IGDCC3: variants seen among roughly 807,000 people sequenced by gnomAD.
IGDCC3 encodes the protein putative neuronal cell adhesion molecule.
A neutral mutation model predicts 72.0 loss-of-function variants in IGDCC3; 47 were observed. The observed-to-expected ratio is 0.65, with a 90% CI of 0.52 to 0.83. The LOEUF (loss-of-function observed/expected upper bound fraction) is 0.83. IGDCC3 is among the 40% of genes least tolerant of loss of function. The probability of loss-of-function intolerance (pLI) is 0.00; values close to 1 mark genes in which losing one functional copy is unlikely to be tolerated. For synonymous variants in IGDCC3, 477 were observed against 472.8 expected, an observed-to-expected ratio of 1.01 and a Z score of -0.11; for missense variants, 1,038 against 1,091.3, an observed-to-expected ratio of 0.95 and a Z score of 0.69.
intron 2 of IGDCC3, among the ~76,000 whole-genome samples, chr15:65,368,711 G>C (rs1451761542): frequency 2.6e-5 from 4 of 152,174 alleles, no homozygotes; most frequent in African/African-American, 9.7e-5. Flanking sequence ...TGGTGAGGAA[G>C]AGAGAATCTC....
rs779378961 is a variant in IGDCC3 at position 65,329,856 on chromosome 15, G to A, written c.1867C>T (p.Pro623Ser). The A allele has an allele frequency of 1.9e-6, 3 of 1,613,980 alleles. No individual in the cohort carries two copies. In the South Asian group the frequency reaches 3.3e-5, roughly 18 times the overall value. ...TCCTCCTTCCGGCAGTCACATGGTG[G>A]GCTCAAGGCTGGGGACAGGGACGGG... ...RGASERTALS[P>S]PCDCRKEEAA... The change falls in exon 12 of 14, where the codon CCA (proline) becomes TCA (serine). Residue 623 changes from proline (P) to serine (S), a missense_variant. Transcript: ENST00000327987. This position sits in a 1 kb window ranked among gnomAD's most constrained non-coding sequence, Gnocchi z 4.1.
chr15:65,329,883 T>C lies in IGDCC3; in HGVS notation c.1859-19A>G. The C allele has an allele frequency of 6.2e-7, 1 of 1,613,468 alleles. No individual in the cohort carries two copies. The highest frequency in any genetic ancestry group is 8.5e-7 in the Non-Finnish European group (1 of 1,179,908). ...CTCAAGGCTGGGGACAGGGACGGGT[T>C]GGAGGCTTTGGCTCTCCAGGTCTGA... On this transcript the variant is annotated intron_variant, in intron 11 of 13. Coordinates refer to ENST00000327987, the MANE Select transcript of IGDCC3 (RefSeq NM_004884.4). This position sits in a 1 kb window ranked among gnomAD's most constrained non-coding sequence, Gnocchi z 4.1.
Position 65,329,504 on chromosome 15 carries a change from C to A in IGDCC3, c.2091G>T (p.Ala697=). 6.2e-7 allele frequency: 1 copy of A among 1,608,138 alleles called. No individual in the cohort carries two copies. Among genetic ancestry groups the A allele is most frequent in the South Asian group, 1.1e-5 (1 of 90,242 alleles). Residue 697 remains alanine (A), a synonymous_variant, in exon 13 of 14, where the codon GCG becomes GCT. Transcript: ENST00000327987. This position sits in a 1 kb window ranked among gnomAD's most constrained non-coding sequence, Gnocchi z 4.1. ...CCAGCTGGCCCCGCTGTCCCCGTCT[C>A]GCCCCATTTAGGGCTAGAATGCCAG... is the stretch of plus-strand genomic sequence containing the variant. The part of the protein sequence containing the change: ...RDPGILALNG[A]RRGQRGQLGR...
intron 5 of IGDCC3, 89 bp downstream of exon 5, chr15:65,334,639 C>A (rs1321174716): frequency 4.3e-6 from 5 of 1,166,834 alleles, no homozygotes; most frequent in Non-Finnish European, 2.3e-6. Flanking sequence ...ATTCCACATT[C>A]CCCTGGAGCT....
At chr15:65,367,545 A>C in intron 2 of IGDCC3, among the ~76,000 whole-genome samples, 1 of 151,830 alleles carries the variant, frequency 6.6e-6, no homozygotes, top group East Asian at 1.9e-4. Context: ...AAAATAAAAT[A>C]AAATAAAAAG....
In IGDCC3 at chr15:65,329,429, G is replaced by A. The variant is rs772157548; in HGVS notation, c.2166C>T (p.Pro722=). The A allele has an allele frequency of 5.6e-6, 9 of 1,604,746 alleles. No individual in the cohort carries two copies. The highest frequency in any genetic ancestry group is 2.7e-5 in the African/African-American group (2 of 74,314). Residue 722 remains proline (P), a synonymous_variant, in exon 13 of 14, where the codon CCC becomes CCT. Transcript: ENST00000327987. This position sits in a 1 kb window ranked among gnomAD's most constrained non-coding sequence, Gnocchi z 4.1. ...CCGGCTGCCCTGCTGCGCTGGCCGG[G>A]GGGAACAGCTGCTCCAGCTCCTTCA... ...VDMKELEQLF[P]PASAAGQPDP...
chr15:65,337,172 T>TA (rs969565536), intron 2 of IGDCC3, among the ~76,000 whole-genome samples: 2 of 152,220 alleles, frequency 1.3e-5, no homozygotes, highest in African/African-American at 2.4e-5. Flanking sequence ...AGGCGAGCCT[T>TA]TGTGCCCTTC....
At chr15:65,340,681 A>G (rs1310198260) in intron 2 of IGDCC3, among the ~76,000 whole-genome samples, 3 of 151,960 alleles carry the variant, frequency 2.0e-5, no homozygotes, top group Non-Finnish European at 2.9e-5. Flanking sequence ...ATACACTTCT[A>G]CTCACTGTAC....
intron 2 of IGDCC3, among the ~76,000 whole-genome samples, chr15:65,362,884 T>C: frequency 7.5e-6 from 1 of 134,118 alleles, no homozygotes; most frequent in Admixed American, 8.4e-5. Context: ...AGACAGAGTC[T>C]CGCTCTGTCA....
Position 65,332,016 on chromosome 15 carries a change from G to T in IGDCC3, c.1073C>A (p.Pro358Gln). 1 of 1,614,170 alleles carries T rather than the reference G, an allele frequency of 6.2e-7. No homozygotes were observed. The highest frequency in any genetic ancestry group is 1.1e-5 in the South Asian group (1 of 91,084). ...MFTCQAQGEPPPHVTWLKNGQ... is the reference protein window; with the variant it reads ...MFTCQAQGEPQPHVTWLKNGQ... ...ATTTTTCAGCCACGTGACATGAGGC[G>T]GTGGCTCACCCTGGGCTTGGCAGGT... Residue 358 changes from proline (P) to glutamine (Q), a missense_variant, in exon 7 of 14, where the codon CCG becomes CAG. Coordinates refer to ENST00000327987, the MANE Select transcript of IGDCC3 (RefSeq NM_004884.4).
Position 65,330,701 on chromosome 15 carries a change from G to A in IGDCC3, c.1602C>T (p.Ser534=), listed in dbSNP as rs1227801301. ...PPPLSVRVLG[S]SSLQLLWEPW... ...GCTCCCACAGCAGCTGCAAGGAGGA[G>A]CTGCCCAGGACTCGCACTGACAGTG... The change falls in exon 10 of 14, where the codon AGC becomes AGT. Residue 534 remains serine, a synonymous_variant. Transcript: ENST00000327987. 1.2e-6 allele frequency: 2 copies of A among 1,612,872 alleles called. No homozygotes were observed. The highest frequency in any genetic ancestry group is 1.7e-6 in the Non-Finnish European group (2 of 1,179,560).
Position 65,377,594 on chromosome 15 carries a change from TC to T in IGDCC3, c.103+91del. On this transcript the variant is annotated intron_variant, in intron 1 of 13. Transcript: ENST00000327987. This position sits in a 1 kb window ranked among gnomAD's most constrained non-coding sequence, Gnocchi z 4.9. ...GTCCGCCCTCAGGTCCGCGCCGCTC[TC>T]CCCGGGTCCGCCCCTCGCGCCCGCT... 4 of 1,234,148 alleles carry T rather than the reference TC, an allele frequency of 3.2e-6. No individual in the cohort carries two copies. The highest frequency in any genetic ancestry group is 2.4e-5 in the South Asian group (1 of 41,240). 76.4% of individuals were successfully genotyped at this position (1,234,148 alleles called of 1,614,324 possible).
At position 65,327,410 on chromosome 15, in the gene IGDCC3, T is replaced by C. The variant is rs542022915; in HGVS notation, c.*1499A>G. ...TTCTAGGAAAACACCACAAATTCTA[T>C]CTTCTTCAGCTAATTAACTAAAGTT... On this transcript the variant is annotated 3_prime_UTR_variant, in exon 14 of 14. Transcript: ENST00000327987. 1 of 152,130 alleles carries C rather than the reference T, an allele frequency of 6.6e-6. No individual in the cohort carries two copies. The highest frequency in any genetic ancestry group is 1.9e-4 in the East Asian group (1 of 5,180). The allele number at this position is 152,130 out of a possible 1,614,324, so 9.4% of individuals were successfully genotyped here.
In IGDCC3 at chr15:65,329,493, T is replaced by C; in HGVS notation, c.2102A>G (p.Gln701Arg). 2.5e-6 allele frequency: 4 copies of C among 1,608,612 alleles called. No individual in the cohort carries two copies. Among genetic ancestry groups the C allele is most frequent in the Non-Finnish European group, 2.5e-6 (3 of 1,178,488 alleles). The part of the protein sequence containing the change: ...ILALNGARRG[Q>R]RGQLGRDEKR... Reference sequence around the variant, plus strand: ...CTCGTCTCGGCCCAGCTGGCCCCGCTGTCCCCGTCTCGCCCCATTTAGGGC... The same window carrying C: ...CTCGTCTCGGCCCAGCTGGCCCCGCCGTCCCCGTCTCGCCCCATTTAGGGC... The change falls in exon 13 of 14, where the codon CAG becomes CGG. Residue 701 changes from glutamine (Q) to arginine (R), a missense_variant. Coordinates refer to ENST00000327987, the MANE Select transcript of IGDCC3 (RefSeq NM_004884.4). The surrounding 1 kb of genome is among the most constrained non-coding windows in gnomAD (Gnocchi z 4.1).
At chr15:65,370,785 GTTAT>G (rs375165544) in intron 2 of IGDCC3, among the ~76,000 whole-genome samples, 5 of 151,246 alleles carry the variant, frequency 3.3e-5, no homozygotes, top group African/African-American at 7.3e-5. Flanking sequence ...CCTCCCCCAT[GTTAT>G]TTATTTATTT....
At chr15:65,335,466 C>T (rs750976290) in intron 3 of IGDCC3, 45 bp from the exon 4 acceptor site, 5 of 1,570,810 alleles carry the variant, frequency 3.2e-6, no homozygotes, top group South Asian at 1.2e-5. Flanking sequence ...CAGCCATTGA[C>T]ATAATCAGCC....
At chr15:65,356,603 T>C (rs2091221787) in intron 2 of IGDCC3, among the ~76,000 whole-genome samples, 1 of 147,648 alleles carries the variant, frequency 6.8e-6, no homozygotes, top group Non-Finnish European at 1.5e-5. Context: ...ATGGTCACAC[T>C]ATGTATGCAT....
chr15:65,330,351 A>G lies in IGDCC3; in HGVS notation c.1800T>C (p.His600=), dbSNP rs1352222172. ...YEVKLLAYNQ[H]GDGNATVRFV... ...AGCGGACTGTGGCATTGCCATCTCC[A>G]TGCTGGTTGTAGGCGAGCAGCTTCA... The change falls in exon 11 of 14, where the codon CAT becomes CAC. Residue 600 remains histidine, a synonymous_variant. Transcript: ENST00000327987. The G allele has an allele frequency of 1.9e-6, 3 of 1,613,918 alleles. No individual in the cohort carries two copies. The highest frequency in any genetic ancestry group is 2.2e-5 in the East Asian group (1 of 44,880).
At chr15:65,344,903 G>T (rs2091113545) in intron 2 of IGDCC3, among the ~76,000 whole-genome samples, 1 of 152,122 alleles carries the variant, frequency 6.6e-6, no homozygotes, top group African/African-American at 2.4e-5. Context: ...TGCATTTAGT[G>T]GTAGCCTCTT....
Sources: allele counts gnomAD v4.1 joint callset (sites outside exome capture counted in the v4.1 genomes callset), GRCh38; gene constraint gnomAD v4.1.1; non-coding constraint Gnocchi (gnomAD v3.1); transcripts MANE v1.5; gene names NCBI Gene and HGNC (gene_info 2026-07-23, HGNC 2026-07-21).